ACTL8: variants seen among roughly 807,000 people sequenced by gnomAD.
The protein encoded by ACTL8 is actin-like protein 8.
A neutral mutation model predicts 9.3 loss-of-function variants in ACTL8; 3 were observed. That is an observed-to-expected ratio of 0.32 (90% CI 0.15 to 0.83). The LOEUF is 0.83. Ranked by LOEUF, ACTL8 falls within the 40% of genes least tolerant of loss-of-function variation. The pLI, the probability that ACTL8 is intolerant of heterozygous loss-of-function variation, is 0.57. For missense variants in ACTL8, 381 were observed against 492.2 expected, an observed-to-expected ratio of 0.77 and a Z score of 2.14; for synonymous variants, 224 against 205.9, an observed-to-expected ratio of 1.09 and a Z score of -0.75.
chr1:17,823,335 G>A lies in ACTL8; in HGVS notation c.327G>A (p.Ala109=), dbSNP rs765307312. 116 of 1,613,202 alleles carry A rather than the reference G, an allele frequency of 7.2e-5. 1 individual carries two copies. In the Middle Eastern group the frequency reaches 2.5e-3, roughly 34 times the overall value. ...IITETPLREP[A]DRKKMLEILF... ...CGGAGACACCCTTGAGGGAGCCTGC[G>A]GACCGAAAGAAGATGCTGGAGGTGA... Residue 109 remains alanine, a synonymous_variant, in exon 2 of 3, where the codon GCG becomes GCA. Transcript: ENST00000375406. The surrounding 1 kb of genome is among the most constrained non-coding windows in gnomAD (Gnocchi z 5.3).
At chr1:17,819,806 G>A (rs371942933) in intron 1 of ACTL8, among the ~76,000 whole-genome samples, 7 of 152,102 alleles carry the variant, frequency 4.6e-5, no homozygotes, top group Non-Finnish European at 7.3e-5. Context: ...CTAGGTGGGC[G>A]GATTGCTTGA....
At chr1:17,782,374 T>C (rs1331561497) in intron 1 of ACTL8, among the ~76,000 whole-genome samples, 2 of 152,224 alleles carry the variant, frequency 1.3e-5, no homozygotes, top group East Asian at 1.9e-4. Context: ...TGACTTATCT[T>C]GTCATTTTTT....
At chr1:17,790,850 T>C (rs1056215435) in intron 1 of ACTL8, among the ~76,000 whole-genome samples, 1 of 152,178 alleles carries the variant, frequency 6.6e-6, no homozygotes, top group African/African-American at 2.4e-5. Flanking sequence ...CATCCAAAAT[T>C]CAGAGGGGGC....
At chr1:17,804,067 C>T (rs973148137) in intron 1 of ACTL8, among the ~76,000 whole-genome samples, 7 of 152,144 alleles carry the variant, frequency 4.6e-5, no homozygotes, top group African/African-American at 1.7e-4. Flanking sequence ...ATTGATTCAA[C>T]GAATTTAAAG....
intron 1 of ACTL8, among the ~76,000 whole-genome samples, chr1:17,773,453 A>G (rs756495208): frequency 1.3e-5 from 2 of 152,274 alleles, no homozygotes; most frequent in African/African-American, 2.4e-5. Flanking sequence ...AGCAAGCATT[A>G]ACAAATGCAG....
At chr1:17,819,714 C>T (rs558803721) in intron 1 of ACTL8, among the ~76,000 whole-genome samples, 2 of 152,310 alleles carry the variant, frequency 1.3e-5, no homozygotes, top group South Asian at 2.1e-4. Flanking sequence ...TTCCCACACC[C>T]GCTGGATTTT....
chr1:17,819,171 G>A (rs188531220), intron 1 of ACTL8, among the ~76,000 whole-genome samples: 38 of 152,294 alleles, frequency 2.5e-4, no homozygotes, highest in African/African-American at 7.7e-4. Flanking sequence ...CTCTGCCAGC[G>A]TCTCCCATGA....
rs930983897 is a variant in ACTL8, at chr1:17,757,079, A to G, written c.-25+1575A>G. Reference sequence around the variant, plus strand: ...CAGGGGTTTGAGGCTGCAGTAAGCTATGATTGCACCGCTGCACTGTAGCCA... The same window carrying G: ...CAGGGGTTTGAGGCTGCAGTAAGCTGTGATTGCACCGCTGCACTGTAGCCA... On this transcript the variant is annotated intron_variant, in intron 1 of 2. Coordinates refer to ENST00000375406, the MANE Select transcript of ACTL8 (RefSeq NM_030812.3). 3.9e-5 allele frequency among the ~76,000 whole-genome samples: 6 copies of G among 152,202 alleles called. 1 individual carries two copies. The highest frequency in any genetic ancestry group is 9.6e-5 in the African/African-American group (4 of 41,456).
intron 1 of ACTL8, among the ~76,000 whole-genome samples, chr1:17,805,941 C>T (rs931612543): frequency 3.3e-5 from 5 of 152,184 alleles, no homozygotes; most frequent in Non-Finnish European, 5.9e-5. Flanking sequence ...GCTGGGAGGC[C>T]GTAGGGACAA....
chr1:17,809,007 A>G (rs142562633), intron 1 of ACTL8, among the ~76,000 whole-genome samples: 3 of 152,310 alleles, frequency 2.0e-5, no homozygotes, highest in Admixed American at 6.5e-5. Context: ...CCAGAAGCCT[A>G]TAGAAGAAAC....
At chr1:17,756,471 C>T (rs1003122866) in intron 1 of ACTL8, among the ~76,000 whole-genome samples, 1 of 152,184 alleles carries the variant, frequency 6.6e-6, no homozygotes, top group African/African-American at 2.4e-5. Context: ...GTGGTTGCTC[C>T]TTGCGTCTGC....
intron 1 of ACTL8, among the ~76,000 whole-genome samples, chr1:17,802,511 T>A (rs1175818225): frequency 1.3e-5 from 2 of 151,954 alleles, no homozygotes; most frequent in African/African-American, 4.8e-5. Flanking sequence ...AATCCCCTTT[T>A]ACCTGGGCTG....
intron 1 of ACTL8, among the ~76,000 whole-genome samples, chr1:17,780,517 T>G (rs1447165178): frequency 6.6e-6 from 1 of 152,182 alleles, no homozygotes; most frequent in East Asian, 1.9e-4. Flanking sequence ...GAAATTATTT[T>G]AAGACCGTGG....
In ACTL8 at chr1:17,761,003, G is replaced by A. The variant is rs1272471725; in HGVS notation, c.-25+5499G>A. Among the ~76,000 whole-genome samples, 4 of 152,142 alleles carry A rather than the reference G, an allele frequency of 2.6e-5. No individual in the cohort carries two copies. The South Asian group carries it at 6.2e-4, about 24-fold the overall frequency. ...AATAAGGTAGCACAAGTCCTTATTG[G>A]AGGGAGCCAGGTCCCTATCCCTCTC... On this transcript the variant is annotated intron_variant, in intron 1 of 2. Transcript: ENST00000375406.
At chr1:17,780,940 G>A (rs950176336) in intron 1 of ACTL8, among the ~76,000 whole-genome samples, 3 of 152,122 alleles carry the variant, frequency 2.0e-5, no homozygotes, top group African/African-American at 7.2e-5. Context: ...ATTTCCTTTG[G>A]TTGCCATAAC....
chr1:17,800,248 C>T (rs1448718747), intron 1 of ACTL8, among the ~76,000 whole-genome samples: 5 of 152,190 alleles, frequency 3.3e-5, no homozygotes, highest in African/African-American at 1.2e-4. Flanking sequence ...TTTCTCCATA[C>T]AAGTCTTGAG....
chr1:17,784,696 G>A (rs966480801), intron 1 of ACTL8, among the ~76,000 whole-genome samples: 1 of 152,144 alleles, frequency 6.6e-6, no homozygotes, highest in Non-Finnish European at 1.5e-5. Flanking sequence ...TTCCTCATGG[G>A]ATAAGCACCA....
chr1:17,757,968 G>A (rs922353294), intron 1 of ACTL8, among the ~76,000 whole-genome samples: 10 of 152,172 alleles, frequency 6.6e-5, no homozygotes, highest in African/African-American at 2.4e-4. Flanking sequence ...GGCTTGGGGA[G>A]ACCGCAATGT....
intron 1 of ACTL8, among the ~76,000 whole-genome samples, chr1:17,804,775 C>A (rs965207545): frequency 5.9e-5 from 9 of 152,118 alleles, no homozygotes; most frequent in Non-Finnish European, 1.0e-4. Flanking sequence ...ACCACCAAGC[C>A]CAGCTAATTT....
Sources: gnomAD v4.1 joint callset for allele counts (sites outside exome capture counted in the v4.1 genomes callset) on GRCh38, gnomAD v4.1.1 for gene constraint, Gnocchi (gnomAD v3.1) non-coding constraint, MANE v1.5 for transcripts, NCBI Gene and HGNC (gene_info 2026-07-23, HGNC 2026-07-21) for gene names.